DPP6: variants seen among roughly 807,000 people sequenced by gnomAD.
DPP6 encodes the protein A-type potassium channel modulatory protein DPP6.
DPP6 carries 69 observed loss-of-function variants against 122.6 expected under a neutral mutation model. The observed-to-expected ratio is 0.56, with a 90% CI of 0.46 to 0.69. The LOEUF is 0.69. Ranked by LOEUF, DPP6 falls within the 30% of genes least tolerant of loss-of-function variation. The pLI is 0.00. For missense variants in DPP6, 928 were observed against 1,116.9 expected (o/e 0.83, Z 2.41); for synonymous variants, 418 against 433.1 (o/e 0.97, Z 0.43).
At position 154,073,382 on chromosome 7, in the gene DPP6, G is replaced by A. The variant is rs575220872; in HGVS notation, c.243+20319G>A. Among the ~76,000 whole-genome samples, 46 of 152,334 alleles carry A rather than the reference G, an allele frequency of 3.0e-4. No homozygotes were observed. The South Asian group carries it at 4.6e-3, about 15-fold the overall frequency. ...GTGCTCTCTACCAAGGATTTTCCAA[G>A]CCTGCGCTTCCTCCTGTCGTCTCCT... On this transcript the variant is annotated intron_variant, in intron 1 of 25. Coordinates refer to ENST00000377770, the MANE Select transcript of DPP6 (RefSeq NM_130797.4).
intron 1 of DPP6, among the ~76,000 whole-genome samples, chr7:153,925,055 C>T (rs974601343): frequency 2.6e-5 from 4 of 152,222 alleles, no homozygotes; most frequent in Middle Eastern, 3.4e-3. Context: ...GCTGATCGAC[C>T]CAAAGTGTGG....
rs189577365 is a variant in DPP6, at chr7:154,460,481, T to A, written c.358+14153T>A. On this transcript the variant is annotated intron_variant, in intron 2 of 25. Transcript: ENST00000377770. Reference sequence around the variant, plus strand: ...GAAAATTTTTTCATGTATAAATTTCTTGTTCCATTGATTCTAAATGCGCCT... The same window carrying A: ...GAAAATTTTTTCATGTATAAATTTCATGTTCCATTGATTCTAAATGCGCCT... Among the ~76,000 whole-genome samples the A allele has an allele frequency of 1.8e-3, 280 of 152,354 alleles. 1 individual carries two copies. The Middle Eastern group carries it at 0.027, about 15-fold the overall frequency.
At chr7:154,449,180 G>T (rs1034050995) in intron 2 of DPP6, among the ~76,000 whole-genome samples, 1 of 151,870 alleles carries the variant, frequency 6.6e-6, no homozygotes, top group Non-Finnish European at 1.5e-5. Flanking sequence ...TCTAGTAAAG[G>T]TCTAGTATCT....
Position 154,457,238 on chromosome 7 carries a change from C to T in DPP6, c.358+10910C>T, listed in dbSNP as rs911176112. Among the ~76,000 whole-genome samples the T allele has an allele frequency of 2.3e-4, 13 of 56,718 alleles. 5 individuals are homozygous for T. Among genetic ancestry groups the T allele is most frequent in the Admixed American group, 2.0e-3 (8 of 3,976 alleles). 37.2% of individuals were successfully genotyped at this position (56,718 alleles called of 152,430 possible). A position where few individuals can be genotyped will look rare whatever the true frequency, so the allele number is the denominator to read the frequency against. On this transcript the variant is annotated intron_variant, in intron 2 of 25. Transcript: ENST00000377770. ...ATGAAGAAATGCTCATCATCACTGG[C>T]CATCAGAGAAATGCAAATCAAAACC... is the stretch of plus-strand genomic sequence containing the variant.
intron 1 of DPP6, among the ~76,000 whole-genome samples, chr7:154,084,999 A>AAAAAC (rs1804290325): frequency 1.3e-5 from 2 of 151,538 alleles, no homozygotes; most frequent in African/African-American, 4.8e-5. Flanking sequence ...CAAAAAAAAA[A>AAAAAC]AAAAAAAAAA....
rs112250360 is a variant in DPP6, at chr7:154,695,907, C to T, written c.762+26466C>T. ...TTCCTTCCTGATCAAACAAGCGGAC[C>T]GTGCTGAGACACCTCCCCGAAAGCC... is the stretch of plus-strand genomic sequence containing the variant. On this transcript the variant is annotated intron_variant, in intron 7 of 25. Coordinates refer to ENST00000377770, the MANE Select transcript of DPP6 (RefSeq NM_130797.4). 1.8e-3 allele frequency among the ~76,000 whole-genome samples: 281 copies of T among 152,270 alleles called. 1 individual carries two copies. Among genetic ancestry groups the T allele is most frequent in the Non-Finnish European group, 3.2e-3 (221 of 68,006 alleles).
In DPP6 at chr7:154,366,612, C is replaced by G. The variant is rs184385345; in HGVS notation, c.244-79602C>G. Among the ~76,000 whole-genome samples the G allele has an allele frequency of 8.5e-5, 13 of 152,300 alleles. No homozygotes were observed. The East Asian group carries it at 2.5e-3, about 29-fold the overall frequency. ...GATTTAGGTAATCTGAGAGTTCCCCCCAAGTGATTGCAGTGTACAACCATG... is the reference window on the plus strand; with the variant it reads ...GATTTAGGTAATCTGAGAGTTCCCCGCAAGTGATTGCAGTGTACAACCATG... On this transcript the variant is annotated intron_variant, in intron 1 of 25. Transcript: ENST00000377770.
chr7:153,908,261 T>G (rs1193363266), intron 1 of DPP6, among the ~76,000 whole-genome samples: 1 of 152,140 alleles, frequency 6.6e-6, no homozygotes, highest in African/African-American at 2.4e-5. Context: ...TTTCTGGTAA[T>G]GCATGCTGTG....
At chr7:154,569,420 C>A (rs1830970851) in intron 5 of DPP6, among the ~76,000 whole-genome samples, 2 of 152,092 alleles carry the variant, frequency 1.3e-5, no homozygotes, top group Non-Finnish European at 2.9e-5. Context: ...AGATAAGTTT[C>A]TTGAAGTTCC....
chr7:154,508,392 G>A (rs748640410), intron 3 of DPP6, among the ~76,000 whole-genome samples: 59 of 152,242 alleles, frequency 3.9e-4, no homozygotes, highest in African/African-American at 7.9e-4. Flanking sequence ...GGTGACTGTG[G>A]TATCTATAAG....
At chr7:154,617,252 A>G (rs181335272) in intron 5 of DPP6, among the ~76,000 whole-genome samples, 5 of 152,266 alleles carry the variant, frequency 3.3e-5, no homozygotes, top group Admixed American at 1.3e-4. Flanking sequence ...TTATGCTGTG[A>G]GTCTCTCACT....
intron 1 of DPP6, among the ~76,000 whole-genome samples, chr7:154,108,301 G>A (rs1158749155): frequency 6.6e-6 from 1 of 152,164 alleles, no homozygotes; most frequent in East Asian, 1.9e-4. Context: ...TCATCTCTGA[G>A]CCTTGTTTCC....
chr7:154,307,941 T>C, intron 1 of DPP6, among the ~76,000 whole-genome samples: 1 of 149,448 alleles, frequency 6.7e-6, no homozygotes, highest in South Asian at 2.1e-4. Context: ...AAGCAGGGGG[T>C]CATTAAACTG....
chr7:154,362,138 G>A (rs909796150), intron 1 of DPP6, among the ~76,000 whole-genome samples: 1 of 152,222 alleles, frequency 6.6e-6, no homozygotes, highest in Non-Finnish European at 1.5e-5. Context: ...AAGTAACTCA[G>A]CGTCATCCTT....
At chr7:154,545,489 T>TTCCA (rs1266518759) in intron 4 of DPP6, among the ~76,000 whole-genome samples, 42 of 123,396 alleles carry the variant, frequency 3.4e-4, no homozygotes, top group African/African-American at 1.1e-3. Context: ...CCTTCCTTCC[T>TTCCA]TCCTTCCATC....
At chr7:154,365,442 G>A (rs1015100634) in intron 1 of DPP6, among the ~76,000 whole-genome samples, 21 of 152,178 alleles carry the variant, frequency 1.4e-4, no homozygotes, top group African/African-American at 5.1e-4. Flanking sequence ...TCACTCCATT[G>A]TGTCCTGTTT....
intron 6 of DPP6, among the ~76,000 whole-genome samples, chr7:154,645,237 T>G (rs895865192): frequency 1.6e-4 from 25 of 151,732 alleles, no homozygotes; most frequent in African/African-American, 5.8e-4. Context: ...GGCTAATTTT[T>G]TGTATTTTTA....
At chr7:154,621,531 G>C (rs1458754367) in intron 5 of DPP6, among the ~76,000 whole-genome samples, 6 of 149,582 alleles carry the variant, frequency 4.0e-5, no homozygotes, top group African/African-American at 1.5e-4. Context: ...ACCACACCCA[G>C]CTAATTTTTG....
chr7:154,016,288 A>G (rs1199425766), intron 1 of DPP6, among the ~76,000 whole-genome samples: 10 of 152,198 alleles, frequency 6.6e-5, no homozygotes, highest in Non-Finnish European at 1.5e-4. Context: ...TTTCCCCCTT[A>G]GAGAAGGACA....
Sources: allele counts gnomAD v4.1 joint callset (sites outside exome capture counted in the v4.1 genomes callset), GRCh38; gene constraint gnomAD v4.1.1; transcripts MANE v1.5; gene names NCBI Gene and HGNC (gene_info 2026-07-23, HGNC 2026-07-21).